Variants in PBX3 observed in about 807,000 individuals in gnomAD.
PBX3 encodes PBX homeobox 3.
PBX3 carries 14 observed loss-of-function variants against 48.5 expected under a neutral mutation model. The observed-to-expected ratio is 0.29, with a 90% CI of 0.19 to 0.45. The LOEUF is 0.45. Among genes scored for constraint, PBX3 ranks in the 20% least tolerant of loss-of-function variants. PBX3 has a pLI of 1.00. For synonymous variants in PBX3, 210 were observed against 200.3 expected (o/e 1.05, Z -0.41); for missense variants, 386 against 546.7 (o/e 0.71, Z 2.93).
intron 2 of PBX3, among the ~76,000 whole-genome samples, chr9:125,846,139 T>C (rs534713609): frequency 2.6e-5 from 4 of 152,236 alleles, no homozygotes; most frequent in Non-Finnish European, 5.9e-5. Context: ...CATCTACTCA[T>C]GTTTTAATTT....
At chr9:125,804,545 T>G (rs1838061765) in intron 2 of PBX3, among the ~76,000 whole-genome samples, 1 of 152,186 alleles carries the variant, frequency 6.6e-6, no homozygotes, top group Non-Finnish European at 1.5e-5. Context: ...TCTCCTTCTG[T>G]CCCATCTCTG....
rs568240277 is a variant in PBX3, at chr9:125,760,661, C to CACAG, written c.274+12039_274+12042dup. Among the ~76,000 whole-genome samples, 9 of 152,218 alleles carry CACAG rather than the reference C, an allele frequency of 5.9e-5. No homozygotes were observed. The East Asian group carries it at 1.5e-3, about 26-fold the overall frequency. On this transcript the variant is annotated intron_variant, in intron 2 of 8. Transcript: ENST00000373489. ...TTTGGTAAACATAAACATTAGTGAA[C>CACAG]ACAGCATGATGGCACATTGTGCATC...
intron 2 of PBX3, among the ~76,000 whole-genome samples, chr9:125,851,563 C>G (rs553381127): frequency 6.6e-6 from 1 of 152,074 alleles, no homozygotes; most frequent in South Asian, 2.1e-4. Context: ...AAATACTTCA[C>G]TGTGATTGTT....
intron 2 of PBX3, among the ~76,000 whole-genome samples, chr9:125,889,321 C>T (rs1460272018): frequency 1.3e-5 from 2 of 152,228 alleles, no homozygotes; most frequent in African/African-American, 2.4e-5. Flanking sequence ...CGCTTGCACA[C>T]GCACGGGCCG....
intron 5 of PBX3, among the ~76,000 whole-genome samples, chr9:125,951,770 C>G (rs567945983): frequency 5.3e-5 from 8 of 152,106 alleles, no homozygotes; most frequent in Non-Finnish European, 1.0e-4. Flanking sequence ...ATTGCAGAGC[C>G]AAGATTTACA....
At chr9:125,867,835 T>TAC (rs955356547) in intron 2 of PBX3, among the ~76,000 whole-genome samples, 13 of 149,080 alleles carry the variant, frequency 8.7e-5, no homozygotes, top group South Asian at 4.3e-4. Context: ...CATATATATA[T>TAC]ACACACACAC....
At chr9:125,937,804 A>G (rs112920290) in intron 5 of PBX3, among the ~76,000 whole-genome samples, 237 of 152,248 alleles carry the variant, frequency 1.6e-3, no homozygotes, top group African/African-American at 5.2e-3. Flanking sequence ...CTAGGACTAC[A>G]GGCACGCCAC....
chr9:125,847,182 A>G (rs1366308228), intron 2 of PBX3, among the ~76,000 whole-genome samples: 2 of 151,992 alleles, frequency 1.3e-5, no homozygotes, highest in East Asian at 1.9e-4. Flanking sequence ...GTTGGCGGCT[A>G]TTGGTGATCA....
chr9:125,861,325 G>A lies in PBX3; in HGVS notation c.275-54361G>A, dbSNP rs1839859689. Among the ~76,000 whole-genome samples, 4 of 151,120 alleles carry A rather than the reference G, an allele frequency of 2.6e-5. No homozygotes were observed. The South Asian group carries it at 8.4e-4, about 32-fold the overall frequency. On this transcript the variant is annotated intron_variant, in intron 2 of 8. Transcript: ENST00000373489. ...AAATAATAATAATAATAATAATAAT[G>A]ATAAAAGAGCAGATAATAACAAGTG...
At chr9:125,894,713 C>A (rs567107915) in intron 2 of PBX3, among the ~76,000 whole-genome samples, 41 of 152,172 alleles carry the variant, frequency 2.7e-4, no homozygotes, top group Non-Finnish European at 4.1e-4. Flanking sequence ...TAGCTTGTGG[C>A]AAATGATAGT....
chr9:125,911,216 C>T (rs1399588958), intron 2 of PBX3, among the ~76,000 whole-genome samples: 1 of 152,094 alleles, frequency 6.6e-6, no homozygotes, highest in Non-Finnish European at 1.5e-5. Context: ...ATTTCATTTC[C>T]AGATGTCCTG....
chr9:125,866,492 AAG>A lies in PBX3; in HGVS notation c.275-49189_275-49188del, dbSNP rs1205075996. Among the ~76,000 whole-genome samples the A allele has an allele frequency of 1.8e-4, 28 of 152,306 alleles. 1 individual carries two copies. The South Asian group carries it at 3.9e-3, about 21-fold the overall frequency. Reference sequence around the variant, plus strand: ...CTTGTGGGGTTTACATTCTAGTGGAAAGAGAGGTAACATTATAGAACAGGTTA... The same window carrying A: ...CTTGTGGGGTTTACATTCTAGTGGAAAGAGGTAACATTATAGAACAGGTTA... On this transcript the variant is annotated intron_variant, in intron 2 of 8. Transcript: ENST00000373489.
At chr9:125,891,468 G>A (rs4304424) in intron 2 of PBX3, among the ~76,000 whole-genome samples, 111,211 of 152,110 alleles carry the variant, frequency 0.73, 41,095 homozygotes, top group African/African-American at 0.81. Flanking sequence ...AAAGCAGAGA[G>A]GAAAGTACTT....
chr9:125,939,061 AAAT>A (rs1841902514), intron 5 of PBX3, among the ~76,000 whole-genome samples: 1 of 152,162 alleles, frequency 6.6e-6, no homozygotes, highest in African/African-American at 2.4e-5. Flanking sequence ...AAATGGGGAA[AAAT>A]AATAATAGGG....
intron 5 of PBX3, among the ~76,000 whole-genome samples, chr9:125,940,294 A>G (rs1245143485): frequency 2.0e-5 from 3 of 152,226 alleles, no homozygotes; most frequent in African/African-American, 7.2e-5. Flanking sequence ...AGGTTTACAG[A>G]GATTAATTTA....
chr9:125,758,548 C>G (rs1268012433), intron 2 of PBX3, among the ~76,000 whole-genome samples: 2 of 152,030 alleles, frequency 1.3e-5, no homozygotes, highest in East Asian at 3.8e-4. Flanking sequence ...AAGTAGCTGT[C>G]AACCATTGTA....
At chr9:125,783,967 C>A (rs1837393094) in intron 2 of PBX3, among the ~76,000 whole-genome samples, 1 of 152,158 alleles carries the variant, frequency 6.6e-6, no homozygotes, top group Non-Finnish European at 1.5e-5. Context: ...TGCCACCGCA[C>A]TGCAGCCTGA....
intron 2 of PBX3, among the ~76,000 whole-genome samples, chr9:125,775,836 ACAATATTAAGTCTTC>A (rs1837057287): frequency 6.6e-6 from 1 of 152,212 alleles, no homozygotes; most frequent in Non-Finnish European, 1.5e-5. Context: ...TGCCATCTTA[ACAATATTAAGTCTTC>A]CAATCCATGA....
At chr9:125,857,721 T>C (rs1839759139) in intron 2 of PBX3, among the ~76,000 whole-genome samples, 1 of 152,214 alleles carries the variant, frequency 6.6e-6, no homozygotes. Context: ...TATATAGCTA[T>C]AACATGTTCA....
Sources: gnomAD v4.1 joint callset for allele counts (sites outside exome capture counted in the v4.1 genomes callset) on GRCh38, gnomAD v4.1.1 for gene constraint, MANE v1.5 for transcripts, NCBI Gene and HGNC (gene_info 2026-07-23, HGNC 2026-07-21) for gene names.